The following PICALM variants were observed in gnomAD, a reference collection of about 807,000 sequenced individuals.
PICALM encodes phosphatidylinositol binding clathrin assembly protein.
Under a neutral mutation model 80.5 loss-of-function variants are expected in PICALM, and 40 were observed. The ratio of observed to expected loss-of-function variants is 0.50; its 90% confidence interval spans 0.39 to 0.65. The LOEUF (loss-of-function observed/expected upper bound fraction) is 0.65, where lower values mean the gene tolerates loss of function less well. Among genes scored for constraint, PICALM ranks in the 30% least tolerant of loss-of-function variants. The pLI is 0.00. For missense variants in PICALM, 676 were observed against 778.9 expected, an observed-to-expected ratio of 0.87 and a Z score of 1.57; for synonymous variants, 288 against 260.3, an observed-to-expected ratio of 1.11 and a Z score of -1.02.
chr11:86,033,728 C>T (rs1048854128), intron 1 of PICALM, among the ~76,000 whole-genome samples: 5 of 152,096 alleles, frequency 3.3e-5, no homozygotes, highest in African/African-American at 1.2e-4. Context: ...TCCATGTGGG[C>T]AGGGCTTTTT....
intron 19 of PICALM, among the ~76,000 whole-genome samples, chr11:85,973,432 G>A (rs985253777): frequency 6.6e-6 from 1 of 152,078 alleles, no homozygotes; most frequent in South Asian, 2.1e-4. Context: ...AGACAGAGAG[G>A]GAGAGAGCAA....
At chr11:86,003,276 G>A in intron 9 of PICALM, 90 bp downstream of exon 9, 1 of 635,150 alleles carries the variant, frequency 1.6e-6, no homozygotes, top group Non-Finnish European at 2.8e-6. Flanking sequence ...TCAAGATATA[G>A]AGAAATTAAA....
At chr11:86,009,622 G>A (rs1236814430) in intron 7 of PICALM, among the ~76,000 whole-genome samples, 3 of 152,188 alleles carry the variant, frequency 2.0e-5, no homozygotes, top group Admixed American at 1.3e-4. Context: ...AACCCAGGAG[G>A]TGGAGGTTGC....
rs562072207 is a variant in PICALM, at chr11:86,027,688, T to A, written c.274-1321A>T. 8.6e-5 allele frequency among the ~76,000 whole-genome samples: 13 copies of A among 151,996 alleles called. No individual in the cohort carries two copies. The South Asian group carries it at 2.1e-3, about 24-fold the overall frequency. On this transcript the variant is annotated intron_variant, in intron 2 of 19. Transcript: ENST00000393346. ...TACAGGCATGTCCAGCTCACATTTT[T>A]AAAAAAATTTTTTGTAGAGACAACG...
chr11:86,035,769 T>G (rs2508379), intron 1 of PICALM, among the ~76,000 whole-genome samples: 1 of 150,072 alleles, frequency 6.7e-6, no homozygotes, highest in African/African-American at 2.4e-5. Flanking sequence ...ATGGTGAAAC[T>G]CTGTCTCTAC....
chr11:86,039,416 T>C (rs955265525), intron 1 of PICALM, among the ~76,000 whole-genome samples: 1 of 149,506 alleles, frequency 6.7e-6, no homozygotes, highest in Non-Finnish European at 1.5e-5. Flanking sequence ...AAAAAATAAA[T>C]TAAAATAAAT....
chr11:86,015,007 T>G, intron 4 of PICALM, 44 bp from the exon 5 acceptor site: 1 of 1,157,392 alleles, frequency 8.6e-7, no homozygotes, highest in Non-Finnish European at 1.3e-6. Flanking sequence ...AATCTGCAAT[T>G]AAATCTACAT....
chr11:85,982,247 TTAAAGGGGA>T, intron 14 of PICALM: 1 of 430,864 alleles, frequency 2.3e-6, no homozygotes, highest in Non-Finnish European at 4.3e-6. Context: ...TACATTAGGG[TTAAAGGGGA>T]TAAGAGAGAA....
At chr11:86,010,719 C>G (rs961371773) in intron 7 of PICALM, among the ~76,000 whole-genome samples, 5 of 152,164 alleles carry the variant, frequency 3.3e-5, no homozygotes, top group African/African-American at 1.2e-4. Context: ...TAAACATTCT[C>G]AAATATATGG....
intron 19 of PICALM, among the ~76,000 whole-genome samples, chr11:85,973,017 G>A (rs543044217): frequency 2.6e-5 from 4 of 152,220 alleles, no homozygotes; most frequent in African/African-American, 9.6e-5. Context: ...TGCACAAAAA[G>A]TGACTGACTT....
At chr11:86,020,424 G>GAA (rs34312370) in intron 4 of PICALM, among the ~76,000 whole-genome samples, 15,839 of 93,912 alleles carry the variant, frequency 0.17, 1,432 homozygotes, top group Middle Eastern at 0.26. Context: ...ACAATCTTGG[G>GAA]AAAAAAAAAA....
intron 1 of PICALM, among the ~76,000 whole-genome samples, chr11:86,066,315 C>T (rs2096447353): frequency 6.6e-6 from 1 of 152,098 alleles, no homozygotes; most frequent in Non-Finnish European, 1.5e-5. Flanking sequence ...AATAGTATCC[C>T]TGTATTTTAA....
intron 4 of PICALM, among the ~76,000 whole-genome samples, chr11:86,020,006 C>T (rs2095538424): frequency 6.6e-6 from 1 of 152,092 alleles, no homozygotes; most frequent in Non-Finnish European, 1.5e-5. Context: ...CTAAGAATGT[C>T]TTCAGTGGCT....
intron 12 of PICALM, among the ~76,000 whole-genome samples, chr11:85,995,976 T>G (rs2094946491): frequency 1.3e-5 from 2 of 152,174 alleles, no homozygotes; most frequent in Admixed American, 6.5e-5. Flanking sequence ...AAAATTACCA[T>G]GAAATCTAGT....
At chr11:86,015,674 G>A (rs1380968820) in intron 4 of PICALM, among the ~76,000 whole-genome samples, 2 of 152,090 alleles carry the variant, frequency 1.3e-5, no homozygotes, top group African/African-American at 2.4e-5. Context: ...TGGGGCTAAC[G>A]TACACAACTA....
At chr11:85,962,535 C>G (rs918938222) in intron 19 of PICALM, among the ~76,000 whole-genome samples, 1 of 152,154 alleles carries the variant, frequency 6.6e-6, no homozygotes, top group Non-Finnish European at 1.5e-5. Context: ...ACGGAAGAGA[C>G]AAATCTATTT....
intron 19 of PICALM, among the ~76,000 whole-genome samples, chr11:85,959,562 G>A (rs904819596): frequency 1.3e-5 from 2 of 150,022 alleles, no homozygotes; most frequent in Admixed American, 6.7e-5. Flanking sequence ...GAACCCAGGA[G>A]GTGGAGGTTG....
At chr11:86,053,651 T>C (rs519778) in intron 1 of PICALM, among the ~76,000 whole-genome samples, 66,280 of 151,952 alleles carry the variant, frequency 0.44, 14,642 homozygotes, top group East Asian at 0.59. Flanking sequence ...CACTATAACC[T>C]CTGCCTCCTG....
At chr11:85,995,673 C>A (rs1050258112) in intron 12 of PICALM, among the ~76,000 whole-genome samples, 1 of 152,090 alleles carries the variant, frequency 6.6e-6, no homozygotes, top group Non-Finnish European at 1.5e-5. Context: ...AGGAAATAAG[C>A]TGAAACTGCT....
Sources: gnomAD v4.1 joint callset for allele counts (sites outside exome capture counted in the v4.1 genomes callset) on GRCh38, gnomAD v4.1.1 for gene constraint, MANE v1.5 for transcripts, NCBI Gene and HGNC (gene_info 2026-07-23, HGNC 2026-07-21) for gene names.